The following APPL1 variants were observed in gnomAD, a reference collection of about 807,000 sequenced individuals.
APPL1 encodes DCC-interacting protein 13-alpha.
In APPL1, 42 loss-of-function variants were observed where a neutral mutation model predicts 106.8. That is an observed-to-expected ratio of 0.39 (90% CI 0.31 to 0.51). The LOEUF (loss-of-function observed/expected upper bound fraction) is 0.51, where lower values mean the gene tolerates loss of function less well. APPL1 is among the 20% of genes least tolerant of loss of function. The pLI is 0.75. For synonymous variants in APPL1, 263 were observed against 281.8 expected, an observed-to-expected ratio of 0.93 and a Z score of 0.67; for missense variants, 769 against 858.2, an observed-to-expected ratio of 0.90 and a Z score of 1.30.
intron 1 of APPL1, among the ~76,000 whole-genome samples, chr3:57,231,066 G>A (rs772620154): frequency 6.6e-6 from 1 of 151,854 alleles, no homozygotes; most frequent in East Asian, 1.9e-4. Context: ...AAGACTGGGC[G>A]TGGTGGCTCA....
At chr3:57,247,604 A>T (rs566494455) in intron 9 of APPL1, 127 bp downstream of exon 9, 23 of 646,366 alleles carry the variant, frequency 3.6e-5, no homozygotes, top group Non-Finnish European at 5.9e-5. Flanking sequence ...AGAGTTTCTT[A>T]TGTGGTTCAT....
In APPL1 at chr3:57,259,023, T is replaced by C. The variant is rs765710995; in HGVS notation, c.1431-5T>C. On this transcript the variant is annotated splice_region_variant and splice_polypyrimidine_tract_variant and intron_variant, in intron 15 of 21. Transcript: ENST00000288266. ...TGTGTTCATATTTTCTTCTAAACTTTTTAGGCGTACAAATCCATTTGGAGA... is the reference window on the plus strand; with the variant it reads ...TGTGTTCATATTTTCTTCTAAACTTCTTAGGCGTACAAATCCATTTGGAGA... 4 of 1,611,684 alleles carry C rather than the reference T, an allele frequency of 2.5e-6. No homozygotes were observed. The highest frequency in any genetic ancestry group is 2.7e-5 in the African/African-American group (2 of 74,830).
At chr3:57,250,804 C>CTTTTTTTTTTT (rs71088045) in intron 11 of APPL1, among the ~76,000 whole-genome samples, 2 of 110,278 alleles carry the variant, frequency 1.8e-5, no homozygotes, top group East Asian at 2.8e-4. Flanking sequence ...AACTTTCTTT[C>CTTTTTTTTTTT]TTTTTTTTTT....
chr3:57,232,934 G>A (rs985616931), intron 1 of APPL1, among the ~76,000 whole-genome samples: 3 of 152,094 alleles, frequency 2.0e-5, no homozygotes, highest in Non-Finnish European at 2.9e-5. Context: ...TCCGGGAGGC[G>A]GAGCGTGCAG....
intron 6 of APPL1, among the ~76,000 whole-genome samples, chr3:57,242,570 A>G (rs2060752408): frequency 1.3e-5 from 2 of 152,202 alleles, no homozygotes; most frequent in South Asian, 4.1e-4. Context: ...CTATTGGCAT[A>G]TGCCACTGTG....
chr3:57,253,938 C>T (rs1415600982), intron 13 of APPL1, among the ~76,000 whole-genome samples, 200 bp downstream of exon 13: 1 of 148,968 alleles, frequency 6.7e-6, no homozygotes, highest in African/African-American at 2.5e-5. Flanking sequence ...TCTTTGTTCA[C>T]TACAACCTCC....
In APPL1 at chr3:57,249,384, C is replaced by T. The variant is rs536146702; in HGVS notation, c.888C>T (p.Thr296=). ...GTAAAACAGGCTTGGTGTCATCTAC[C>T]TGGGACAGACAGTTTTACTTCACGC... The part of the protein sequence containing the change: ...ARNKTGLVSS[T]WDRQFYFTQG... Residue 296 remains threonine (T), a synonymous_variant, in exon 11 of 22, where the codon ACC becomes ACT. Coordinates refer to ENST00000288266, the MANE Select transcript of APPL1 (RefSeq NM_012096.3). 6.2e-7 allele frequency: 1 copy of T among 1,614,154 alleles called. No homozygotes were observed. Among genetic ancestry groups the T allele is most frequent in the East Asian group, 2.2e-5 (1 of 44,886 alleles).
chr3:57,231,025 G>C (rs961037763), intron 1 of APPL1, among the ~76,000 whole-genome samples: 11 of 151,374 alleles, frequency 7.3e-5, no homozygotes, highest in African/African-American at 2.7e-4. Context: ...AGCCTCCCAA[G>C]TAGCCCAACT....
intron 21 of APPL1, 69 bp from the exon 22 acceptor site, chr3:57,269,472 T>C (rs1261165171): frequency 3.2e-6 from 5 of 1,558,830 alleles, no homozygotes; most frequent in African/African-American, 2.7e-5. Context: ...CAAGAATGTA[T>C]CTTAACTGCA....
rs375189154 is a variant in APPL1 at position 57,227,870 on chromosome 3, C to T, written c.-14C>T. 13 of 1,460,844 alleles carry T rather than the reference C, an allele frequency of 8.9e-6. No homozygotes were observed. The highest frequency in any genetic ancestry group is 1.5e-5 in the African/African-American group (1 of 68,132). 90.5% of individuals were successfully genotyped at this position (1,460,844 alleles called of 1,614,324 possible). A position where few individuals can be genotyped will look rare whatever the true frequency, so the allele number is the denominator to read the frequency against. On this transcript the variant is annotated 5_prime_UTR_variant, in exon 1 of 22. Transcript: ENST00000288266. ...GGCAGCTGCGTCTCCTGCCACCGCC[C>T]TCCCTCCGCCACGATGCCGGGGATC...
rs567841256 is a variant in APPL1 at position 57,228,618 on chromosome 3, C to T, written c.54+681C>T. Reference sequence around the variant, plus strand: ...TAATAAACTCATCAAAATAAAAGCCCTGTGTTCTGTGCGTCGGAATGATGC... The same window carrying T: ...TAATAAACTCATCAAAATAAAAGCCTTGTGTTCTGTGCGTCGGAATGATGC... On this transcript the variant is annotated intron_variant, in intron 1 of 21. Transcript: ENST00000288266. The surrounding 1 kb of genome is among the most constrained non-coding windows in gnomAD (Gnocchi z 4.6). Among the ~76,000 whole-genome samples, 8 of 152,376 alleles carry T rather than the reference C, an allele frequency of 5.3e-5. No homozygotes were observed. The highest frequency in any genetic ancestry group is 7.2e-5 in the African/African-American group (3 of 41,592).
chr3:57,227,760 G>C lies in APPL1; in HGVS notation c.-124G>C. 1 of 786,992 alleles carries C rather than the reference G, an allele frequency of 1.3e-6. No individual in the cohort carries two copies. 48.8% of individuals were successfully genotyped at this position (786,992 alleles called of 1,614,324 possible). ...CCGCTCGGCGCCTGGAGAAGGCTGTGCGGGCGGGGACGGCTGCAGCCCTTG... is the reference window on the plus strand; with the variant it reads ...CCGCTCGGCGCCTGGAGAAGGCTGTCCGGGCGGGGACGGCTGCAGCCCTTG... On this transcript the variant is annotated 5_prime_UTR_variant, in exon 1 of 22. Coordinates refer to ENST00000288266, the MANE Select transcript of APPL1 (RefSeq NM_012096.3).
rs886380596 is a variant in APPL1 at position 57,229,624 on chromosome 3, A to G, written c.54+1687A>G. On this transcript the variant is annotated intron_variant, in intron 1 of 21. Transcript: ENST00000288266. The stretch of plus-strand genomic sequence containing the variant: ...CTATCGTAGTGCACTGTGTCCTGGA[A>G]CACCTATGCTGAAGTGATCCTCCTG... Among the ~76,000 whole-genome samples, 10 of 151,468 alleles carry G rather than the reference A, an allele frequency of 6.6e-5. 1 individual carries two copies. Among genetic ancestry groups the G allele is most frequent in the Admixed American group, 6.6e-4 (10 of 15,218 alleles).
intron 19 of APPL1, among the ~76,000 whole-genome samples, chr3:57,266,021 A>C (rs1042508709): frequency 6.6e-6 from 1 of 152,248 alleles, no homozygotes; most frequent in Admixed American, 6.5e-5. Context: ...ATGTTGAACT[A>C]TCTTTGCATT....
intron 16 of APPL1, among the ~76,000 whole-genome samples, chr3:57,259,545 C>A (rs1241714635): frequency 2.0e-5 from 3 of 152,100 alleles, no homozygotes; most frequent in Non-Finnish European, 4.4e-5. Flanking sequence ...ATCCTCCTGC[C>A]TTAGCCTCCC....
intron 4 of APPL1, among the ~76,000 whole-genome samples, chr3:57,239,749 GA>G (rs1231514827): frequency 6.6e-6 from 1 of 152,106 alleles, no homozygotes; most frequent in Non-Finnish European, 1.5e-5. Context: ...AATAATTTTA[GA>G]AAACCACCAA....
At position 57,256,472 on chromosome 3, in the gene APPL1, T is replaced by A. The variant is rs115918537; in HGVS notation, c.1153-485T>A. Among the ~76,000 whole-genome samples, 616 of 152,316 alleles carry A rather than the reference T, an allele frequency of 4.0e-3. 3 individuals are homozygous for A. Among genetic ancestry groups the A allele is most frequent in the African/African-American group, 0.014 (570 of 41,574 alleles). The stretch of plus-strand genomic sequence containing the variant: ...GATACTTCTGAGCATAAATATATTC[T>A]GGAAAATTGTGAAAACTTTACCAGC... On this transcript the variant is annotated intron_variant, in intron 13 of 21. Coordinates refer to ENST00000288266, the MANE Select transcript of APPL1 (RefSeq NM_012096.3).
intron 7 of APPL1, 39 bp from the exon 8 acceptor site, chr3:57,246,037 A>T: frequency 3.5e-6 from 5 of 1,419,478 alleles, no homozygotes; most frequent in Non-Finnish European, 4.7e-6. Flanking sequence ...AAATAATAGC[A>T]GATTATTTAC....
chr3:57,259,960 C>A lies in APPL1; in HGVS notation c.1599C>A (p.Ala533=). Residue 533 remains alanine, a synonymous_variant, in exon 17 of 22, where the codon GCC becomes GCA. Transcript: ENST00000288266. ...ETMRQILAAR[A]IHNIFRMTES... ...TGCGCCAAATCTTAGCTGCCCGGGCCATCCATAACATCTTTCGTATGACAG... is the reference window on the plus strand; with the variant it reads ...TGCGCCAAATCTTAGCTGCCCGGGCAATCCATAACATCTTTCGTATGACAG... 1 of 1,613,950 alleles carries A rather than the reference C, an allele frequency of 6.2e-7. No homozygotes were observed. The highest frequency in any genetic ancestry group is 8.5e-7 in the Non-Finnish European group (1 of 1,179,996).
Sources: allele counts gnomAD v4.1 joint callset (sites outside exome capture counted in the v4.1 genomes callset), GRCh38; gene constraint gnomAD v4.1.1; non-coding constraint Gnocchi (gnomAD v3.1); transcripts MANE v1.5; gene names NCBI Gene and HGNC (gene_info 2026-07-23, HGNC 2026-07-21).